Variants in AUTS2 observed in about 807,000 individuals in gnomAD.
AUTS2 encodes the protein autism susceptibility gene 2 protein.
AUTS2 carries 17 observed loss-of-function variants against 112.4 expected under a neutral mutation model. The ratio of observed to expected loss-of-function variants is 0.15; its 90% CI spans 0.10 to 0.23. The LOEUF (loss-of-function observed/expected upper bound fraction) is 0.23. AUTS2 is among the 10% of genes least tolerant of loss of function. The probability of loss-of-function intolerance (pLI) is 1.00; values close to 1 mark genes in which losing one functional copy is unlikely to be tolerated. For synonymous variants in AUTS2, 751 were observed against 702.7 expected (o/e 1.07, Z -1.09); for missense variants, 1,510 against 1,701.6 (o/e 0.89, Z 1.98).
intron 5 of AUTS2, among the ~76,000 whole-genome samples, chr7:70,620,818 T>C (rs1804632935): frequency 6.6e-6 from 1 of 152,254 alleles, no homozygotes; most frequent in Admixed American, 6.5e-5. Flanking sequence ...TGTTGTGTTT[T>C]TGTTTTGTGT....
intron 5 of AUTS2, among the ~76,000 whole-genome samples, chr7:70,551,994 G>A (rs750835492): frequency 6.6e-6 from 1 of 152,204 alleles, no homozygotes; most frequent in Non-Finnish European, 1.5e-5. Flanking sequence ...GATAAGTGAA[G>A]CATTGCTGAA....
At chr7:70,562,956 C>A (rs181331874) in intron 5 of AUTS2, among the ~76,000 whole-genome samples, 2 of 152,034 alleles carry the variant, frequency 1.3e-5, no homozygotes, top group African/African-American at 4.8e-5. Context: ...CTTTTTGCAA[C>A]GCAGGATTTA....
chr7:69,599,529 C>A lies in AUTS2; in HGVS notation c.-125C>A. On this transcript the variant is annotated 5_prime_UTR_variant, in exon 1 of 19. Transcript: ENST00000342771. This position sits in a 1 kb window ranked among gnomAD's most constrained non-coding sequence, Gnocchi z 7.0. ...CCCTTCTTTCGGCCGCCGTCTCCCC[C>A]GCGCCCTCCTCGGGGCGGAGGGAAG... 1.1e-6 allele frequency: 1 copy of A among 921,256 alleles called. No individual in the cohort carries two copies. The highest frequency in any genetic ancestry group is 1.4e-6 in the Non-Finnish European group (1 of 709,928). 57.1% of individuals were successfully genotyped at this position (921,256 alleles called of 1,614,324 possible).
intron 2 of AUTS2, among the ~76,000 whole-genome samples, chr7:70,029,313 C>G (rs1241059117): frequency 7.4e-6 from 1 of 136,010 alleles, no homozygotes; most frequent in Non-Finnish European, 1.6e-5. Context: ...GTTTCTGTCT[C>G]TGCGATGTGG....
intron 2 of AUTS2, among the ~76,000 whole-genome samples, chr7:69,945,129 A>G (rs546450173): frequency 2.6e-4 from 39 of 152,322 alleles, no homozygotes; most frequent in Non-Finnish European, 4.9e-4. Context: ...CACATACCAT[A>G]AAATTCCACT....
At chr7:70,400,380 A>T (rs1794275308) in intron 4 of AUTS2, among the ~76,000 whole-genome samples, 1 of 152,140 alleles carries the variant, frequency 6.6e-6, no homozygotes, top group African/African-American at 2.4e-5. Flanking sequence ...GGTGTGTTCT[A>T]CCCAACCATA....
At chr7:70,671,736 A>G (rs1215858495) in intron 5 of AUTS2, among the ~76,000 whole-genome samples, 1 of 152,228 alleles carries the variant, frequency 6.6e-6, no homozygotes, top group Non-Finnish European at 1.5e-5. Flanking sequence ...TCAGTGAGGC[A>G]GGGAAGAAAT....
chr7:70,471,249 C>A (rs569812721), intron 5 of AUTS2, among the ~76,000 whole-genome samples: 89 of 151,804 alleles, frequency 5.9e-4, no homozygotes, highest in African/African-American at 2.0e-3. Context: ...TTCTTTCATG[C>A]AGGTTTCTCA....
chr7:70,338,330 T>A (rs1049766413), intron 4 of AUTS2, among the ~76,000 whole-genome samples: 4 of 152,212 alleles, frequency 2.6e-5, no homozygotes, highest in African/African-American at 9.6e-5. Context: ...GTCATGTGAA[T>A]GCCTAATTAC....
At chr7:70,764,722 TTTC>T in intron 7 of AUTS2, 27 bp from the exon 8 acceptor site, 1 of 719,862 alleles carries the variant, frequency 1.4e-6, no homozygotes, top group Non-Finnish European at 2.6e-6. Context: ...TTTTTATTTT[TTTC>T]TTTTCTTTTT....
intron 2 of AUTS2, among the ~76,000 whole-genome samples, chr7:70,068,375 G>A (rs556575176): frequency 1.3e-5 from 2 of 151,558 alleles, no homozygotes; most frequent in South Asian, 2.1e-4. Context: ...TAGTGGAAAC[G>A]GAGTTTAACC....
At chr7:70,771,067 TAA>T (rs1790306191) in intron 10 of AUTS2, 2 of 152,318 alleles carry the variant, frequency 1.3e-5, no homozygotes, top group Admixed American at 1.3e-4. Context: ...CTCAAACTAT[TAA>T]AAGTCTGAAA....
At position 70,694,976 on chromosome 7, in the gene AUTS2, T is replaced by C. The variant is rs1808996292; in HGVS notation, c.691-3593T>C. 2 of 152,332 alleles carry C rather than the reference T, an allele frequency of 1.3e-5. No homozygotes were observed. Among genetic ancestry groups the C allele is most frequent in the Admixed American group, 6.5e-5 (1 of 15,282 alleles). 9.4% of individuals were successfully genotyped at this position (152,332 alleles called of 1,614,324 possible). A position where few individuals can be genotyped will look rare whatever the true frequency, so the allele number is the denominator to read the frequency against. On this transcript the variant is annotated intron_variant, in intron 5 of 18. Coordinates refer to ENST00000342771, the MANE Select transcript of AUTS2 (RefSeq NM_015570.4). The surrounding 1 kb of genome is among the most constrained non-coding windows in gnomAD (Gnocchi z 4.1). ...CCCCCTGGTCTTTGACGATCGCCCT[T>C]CGGGAGCCCTGCTAAAGAACCAAAC... is the stretch of plus-strand genomic sequence containing the variant.
At chr7:69,755,493 A>T (rs965288616) in intron 1 of AUTS2, among the ~76,000 whole-genome samples, 3 of 152,060 alleles carry the variant, frequency 2.0e-5, no homozygotes, top group Non-Finnish European at 2.9e-5. Context: ...TGTGTTGCTG[A>T]GTTTAATAAT....
chr7:69,897,806 G>C (rs1222390194), intron 1 of AUTS2, among the ~76,000 whole-genome samples: 1 of 152,042 alleles, frequency 6.6e-6, no homozygotes, highest in Non-Finnish European at 1.5e-5. Flanking sequence ...TCATAACAAG[G>C]CTCAAGGTCT....
intron 1 of AUTS2, among the ~76,000 whole-genome samples, chr7:69,730,376 C>A (rs1443730581): frequency 6.6e-6 from 1 of 152,198 alleles, no homozygotes; most frequent in South Asian, 2.1e-4. Context: ...GATCTAACAT[C>A]AATTCTGTCC....
At chr7:70,034,133 A>C (rs1183484662) in intron 2 of AUTS2, among the ~76,000 whole-genome samples, 1 of 152,178 alleles carries the variant, frequency 6.6e-6, no homozygotes, top group Non-Finnish European at 1.5e-5. Context: ...GGAAGACAAA[A>C]GTAAAAGATA....
chr7:69,689,024 G>A (rs1211024625), intron 1 of AUTS2, among the ~76,000 whole-genome samples: 2 of 152,086 alleles, frequency 1.3e-5, no homozygotes, highest in Non-Finnish European at 2.9e-5. Context: ...CACTGTCTGG[G>A]ATGTGCAGAT....
chr7:70,779,502 C>T (rs748800602), intron 14 of AUTS2, among the ~76,000 whole-genome samples: 5 of 152,102 alleles, frequency 3.3e-5, no homozygotes, highest in Admixed American at 1.3e-4. Context: ...TGGAGGTGCA[C>T]GGGTAGCTTT....
Sources: allele counts gnomAD v4.1 joint callset (sites outside exome capture counted in the v4.1 genomes callset), GRCh38; gene constraint gnomAD v4.1.1; non-coding constraint Gnocchi (gnomAD v3.1); transcripts MANE v1.5; gene names NCBI Gene and HGNC (gene_info 2026-07-23, HGNC 2026-07-21).